STPG2: variants seen among roughly 807,000 people sequenced by gnomAD.
STPG2 encodes the protein sperm tail PG-rich repeat containing 2.
Under a neutral mutation model 54.2 loss-of-function variants are expected in STPG2, and 56 were observed. The ratio of observed to expected loss-of-function variants is 1.03; its 90% confidence interval spans 0.83 to 1.29. STPG2 has a LOEUF of 1.29. Among genes scored for constraint, STPG2 ranks in the 50% most tolerant of loss-of-function variants. The pLI is 0.00. For synonymous variants in STPG2, 200 were observed against 181.8 expected (o/e 1.10, Z -0.81); for missense variants, 596 against 544.9 (o/e 1.09, Z -0.93).
intron 4 of STPG2, among the ~76,000 whole-genome samples, chr4:97,513,506 G>A (rs1731014931): frequency 6.6e-6 from 1 of 151,774 alleles, no homozygotes; most frequent in African/African-American, 2.4e-5. Flanking sequence ...AGCTATCTAG[G>A]GTCCCCAGCC....
At chr4:97,993,983 T>C (rs886516816) in intron 5 of STPG2, among the ~76,000 whole-genome samples, 4 of 152,208 alleles carry the variant, frequency 2.6e-5, no homozygotes, top group African/African-American at 7.2e-5. Flanking sequence ...TCTTCATTTC[T>C]TCATTAATCT....
chr4:98,003,191 AAGACTACTGTC>A (rs1258207597), intron 5 of STPG2, among the ~76,000 whole-genome samples: 3 of 152,094 alleles, frequency 2.0e-5, no homozygotes, highest in Non-Finnish European at 4.4e-5. Context: ...TGCTGGCTCA[AAGACTACTGTC>A]AGCACTCTAA....
chr4:97,750,011 G>T (rs1725535496), intron 9 of STPG2, among the ~76,000 whole-genome samples: 1 of 151,714 alleles, frequency 6.6e-6, no homozygotes, highest in African/African-American at 2.4e-5. Flanking sequence ...TATTTTCTCA[G>T]GTTAAAGCCT....
chr4:97,658,828 G>A lies in STPG2; in HGVS notation c.1320+53871C>T, dbSNP rs567546039. Among the ~76,000 whole-genome samples, 15 of 152,248 alleles carry A rather than the reference G, an allele frequency of 9.9e-5. No homozygotes were observed. In the South Asian group the frequency reaches 2.9e-3, roughly 29 times the overall value. ...AAAATCTAACATAGCAGGGCCTATT[G>A]TAGCCAGTGAGAGTATTAAAGAAAT... is the stretch of plus-strand genomic sequence containing the variant. On this transcript the variant is annotated intron_variant, in intron 10 of 10. Transcript: ENST00000295268.
At chr4:97,560,528 C>T (rs1024892264) in intron 10 of STPG2, among the ~76,000 whole-genome samples, 1 of 152,136 alleles carries the variant, frequency 6.6e-6, no homozygotes, top group South Asian at 2.1e-4. Context: ...CAGACACGAG[C>T]AATGAAAACA....
intron 7 of STPG2, among the ~76,000 whole-genome samples, chr4:97,954,467 AT>A (rs1191859428): frequency 2.6e-5 from 4 of 152,212 alleles, no homozygotes; most frequent in Admixed American, 2.6e-4. Flanking sequence ...CACATGGCCT[AT>A]TTCTTGATCA....
intron 10 of STPG2, among the ~76,000 whole-genome samples, chr4:97,600,680 C>T (rs1358298340): frequency 6.6e-6 from 1 of 152,258 alleles, no homozygotes; most frequent in Non-Finnish European, 1.5e-5. Context: ...CACAGACACA[C>T]ACATACACAC....
intron 5 of STPG2, among the ~76,000 whole-genome samples, chr4:98,093,312 G>A (rs186392981): frequency 3.5e-4 from 54 of 152,160 alleles, no homozygotes; most frequent in African/African-American, 1.2e-3. Flanking sequence ...AAATTATAAT[G>A]TCATAAATAT....
At chr4:97,927,999 A>G (rs1372605521) in intron 8 of STPG2, among the ~76,000 whole-genome samples, 2 of 152,168 alleles carry the variant, frequency 1.3e-5, no homozygotes, top group African/African-American at 4.8e-5. Flanking sequence ...TTCCCCTAAC[A>G]CATACTCAAA....
chr4:97,737,893 C>T (rs145468396), intron 9 of STPG2, among the ~76,000 whole-genome samples: 2,772 of 152,154 alleles, frequency 0.018, 31 homozygotes, highest in Non-Finnish European at 0.027. Flanking sequence ...AAGAGCAACT[C>T]CAAGACACAA....
intron 3 of STPG2, among the ~76,000 whole-genome samples, chr4:98,119,370 G>A (rs1338633130): frequency 1.3e-5 from 2 of 151,510 alleles, no homozygotes; most frequent in African/African-American, 4.9e-5. Context: ...TAAATAAACT[G>A]TACTCTTCAA....
At chr4:97,840,647 GGTTTT>G in intron 9 of STPG2, 121 bp downstream of exon 9, 1 of 1,028,734 alleles carries the variant, frequency 9.7e-7, no homozygotes, top group South Asian at 1.8e-5. Context: ...TGAGAAAAAT[GGTTTT>G]GTTATACATT....
At chr4:97,698,677 C>A (rs1723666025) in intron 10 of STPG2, among the ~76,000 whole-genome samples, 1 of 152,098 alleles carries the variant, frequency 6.6e-6, no homozygotes, top group Non-Finnish European at 1.5e-5. Context: ...ATGGGAGAAA[C>A]AATGCCATAT....
At chr4:98,116,427 A>C (rs1342213548) in intron 3 of STPG2, among the ~76,000 whole-genome samples, 2 of 151,892 alleles carry the variant, frequency 1.3e-5, no homozygotes, top group Non-Finnish European at 2.9e-5. Context: ...CTGAGCACAA[A>C]GATTAAGTAA....
At chr4:97,694,938 A>G (rs1472670679) in intron 10 of STPG2, among the ~76,000 whole-genome samples, 1 of 151,586 alleles carries the variant, frequency 6.6e-6, no homozygotes, top group Admixed American at 6.6e-5. Context: ...AATCTTATTG[A>G]CACTATTGCA....
intron 10 of STPG2, among the ~76,000 whole-genome samples, chr4:97,588,537 T>C (rs558999439): frequency 2.0e-5 from 3 of 152,042 alleles, no homozygotes; most frequent in Non-Finnish European, 4.4e-5. Context: ...AAAGGAATCA[T>C]TTTCACCAAT....
At chr4:97,891,256 A>C (rs997879197) in intron 8 of STPG2, among the ~76,000 whole-genome samples, 1 of 152,098 alleles carries the variant, frequency 6.6e-6, no homozygotes, top group African/African-American at 2.4e-5. Flanking sequence ...TATCTGTATA[A>C]GAACATAAGT....
chr4:98,063,374 G>A (rs1393267900), intron 5 of STPG2, among the ~76,000 whole-genome samples: 3 of 152,082 alleles, frequency 2.0e-5, no homozygotes, highest in East Asian at 3.9e-4. Context: ...GCTGGAACAC[G>A]GGAGGTGGAG....
At chr4:97,808,548 G>A (rs1727640926) in intron 9 of STPG2, among the ~76,000 whole-genome samples, 1 of 151,332 alleles carries the variant, frequency 6.6e-6, no homozygotes, top group African/African-American at 2.4e-5. Flanking sequence ...TAAAAACGCA[G>A]AAATAGAAGA....
Sources: allele counts gnomAD v4.1 joint callset (sites outside exome capture counted in the v4.1 genomes callset), GRCh38; gene constraint gnomAD v4.1.1; transcripts MANE v1.5; gene names NCBI Gene and HGNC (gene_info 2026-07-23, HGNC 2026-07-21).